OSTN: variants seen among roughly 807,000 people sequenced by gnomAD.
The protein encoded by OSTN is osteocrin.
OSTN carries 9 observed loss-of-function variants against 12.0 expected under a neutral mutation model. The ratio of observed to expected loss-of-function variants is 0.75; its 90% CI spans 0.45 to 1.30. OSTN has a LOEUF of 1.30. Ranked by LOEUF, OSTN falls within the 50% of genes most tolerant of loss-of-function variation. OSTN has a pLI of 0.00. For missense variants in OSTN, 148 were observed against 152.3 expected (o/e 0.97, Z 0.15); for synonymous variants, 59 against 56.9 (o/e 1.04, Z -0.16).
At chr3:191,212,773 A>G (rs1292326758) in intron 2 of OSTN, 139 bp downstream of exon 2, 1 of 174,936 alleles carries the variant, frequency 5.7e-6, no homozygotes, top group East Asian at 1.5e-4. Flanking sequence ...ATCATATCAT[A>G]TATTTTATAT....
At chr3:191,209,883 C>T (rs1714373595) in intron 1 of OSTN, among the ~76,000 whole-genome samples, 1 of 152,172 alleles carries the variant, frequency 6.6e-6, no homozygotes, top group South Asian at 2.1e-4. Flanking sequence ...TTCTTTGCCA[C>T]AGAACTTAAC....
intron 4 of OSTN, 103 bp from the exon 5 acceptor site, chr3:191,262,763 C>G: frequency 3.1e-6 from 2 of 641,220 alleles, no homozygotes; most frequent in South Asian, 3.5e-5. Context: ...AATGAAACAG[C>G]ATGTAATTAA....
chr3:191,228,917 T>C (rs1322033741), intron 3 of OSTN: 1 of 152,184 alleles, frequency 6.6e-6, no homozygotes, highest in East Asian at 1.9e-4. Flanking sequence ...ATCTAGACAA[T>C]TGTCATTAAC....
At chr3:191,235,664 C>A (rs1000161186) in intron 3 of OSTN, among the ~76,000 whole-genome samples, 4 of 152,194 alleles carry the variant, frequency 2.6e-5, no homozygotes, top group African/African-American at 9.6e-5. Flanking sequence ...ACCCTACTCT[C>A]TCATCTTCTG....
At position 191,265,310 on chromosome 3, in the gene OSTN, T is replaced by C. The variant is rs1249829125; in HGVS notation, c.*2457T>C. 2 of 152,190 alleles carry C rather than the reference T, an allele frequency of 1.3e-5. No individual in the cohort carries two copies. The highest frequency in any genetic ancestry group is 1.5e-5 in the Non-Finnish European group (1 of 68,018). 9.4% of individuals were successfully genotyped at this position (152,190 alleles called of 1,614,324 possible). On this transcript the variant is annotated 3_prime_UTR_variant, in exon 5 of 5. Transcript: ENST00000682035. ...TTTATAGAGCAAATGAATATATGTATATGGAGTTCTGGGTTCTAGTGTCAA... is the reference window on the plus strand; with the variant it reads ...TTTATAGAGCAAATGAATATATGTACATGGAGTTCTGGGTTCTAGTGTCAA...
intron 3 of OSTN, among the ~76,000 whole-genome samples, chr3:191,247,408 G>A (rs1016525853): frequency 6.6e-6 from 1 of 152,172 alleles, no homozygotes; most frequent in East Asian, 1.9e-4. Context: ...AGGGAGGCAA[G>A]GGTGTAGCTA....
chr3:191,228,860 G>T (rs1408554431), intron 3 of OSTN: 8 of 152,128 alleles, frequency 5.3e-5, no homozygotes, highest in Non-Finnish European at 1.0e-4. Flanking sequence ...GCTAAAAAAT[G>T]ATAGAATTAG....
At chr3:191,212,770 C>T (rs1160981822) in intron 2 of OSTN, 136 bp downstream of exon 2, 3 of 168,928 alleles carry the variant, frequency 1.8e-5, no homozygotes, top group East Asian at 1.6e-4. Context: ...TATATCATAT[C>T]ATATATTTTA....
chr3:191,249,380 T>C (rs1472197758), intron 3 of OSTN, among the ~76,000 whole-genome samples: 3 of 152,198 alleles, frequency 2.0e-5, no homozygotes, highest in Non-Finnish European at 4.4e-5. Context: ...TGATAGAAAA[T>C]ATAAGCTGGA....
chr3:191,264,975 T>C lies in OSTN; in HGVS notation c.*2122T>C, dbSNP rs1217375760. 2.0e-5 allele frequency: 3 copies of C among 152,034 alleles called. No homozygotes were observed. The highest frequency in any genetic ancestry group is 7.2e-5 in the African/African-American group (3 of 41,436). The allele number at this position is 152,034 out of a possible 1,614,324, so 9.4% of individuals were successfully genotyped here. A position where few individuals can be genotyped will look rare whatever the true frequency, so the allele number is the denominator to read the frequency against. On this transcript the variant is annotated 3_prime_UTR_variant, in exon 5 of 5. Coordinates refer to ENST00000682035, the MANE Select transcript of OSTN (RefSeq NM_198184.2). The stretch of plus-strand genomic sequence containing the variant: ...ATGTGTAATGTATTTTCACCTAATA[T>C]ACACACAATTTCCATGAAGGGAAGA...
intron 4 of OSTN, among the ~76,000 whole-genome samples, chr3:191,252,956 A>AT (rs1297354608): frequency 6.6e-6 from 1 of 152,178 alleles, no homozygotes; most frequent in East Asian, 1.9e-4. Context: ...ATCCAACCCC[A>AT]TTTTTTAAAA....
chr3:191,235,597 C>T (rs941004493), intron 3 of OSTN, among the ~76,000 whole-genome samples: 2 of 152,180 alleles, frequency 1.3e-5, no homozygotes, highest in African/African-American at 2.4e-5. Flanking sequence ...GTAACATAGG[C>T]GTCCTTACCT....
intron 1 of OSTN, among the ~76,000 whole-genome samples, chr3:191,209,213 C>T (rs1018608105): frequency 6.6e-6 from 1 of 152,116 alleles, no homozygotes; most frequent in Non-Finnish European, 1.5e-5. Context: ...TTTAAAAATA[C>T]AGATATGTTC....
chr3:191,228,615 T>C (rs1307658316), intron 3 of OSTN: 3 of 152,218 alleles, frequency 2.0e-5, no homozygotes, highest in Non-Finnish European at 4.4e-5. Context: ...GTAGAATGCA[T>C]TAAATCTGTT....
At chr3:191,222,503 C>G (rs367693598) in intron 3 of OSTN, among the ~76,000 whole-genome samples, 1 of 152,226 alleles carries the variant, frequency 6.6e-6, no homozygotes, top group South Asian at 2.1e-4. Context: ...CCTGTCCCCC[C>G]ACATTGTATC....
chr3:191,251,815 T>TA (rs1715566637), intron 4 of OSTN, among the ~76,000 whole-genome samples: 1 of 152,212 alleles, frequency 6.6e-6, no homozygotes. Flanking sequence ...TCAAGGTTGT[T>TA]AAAAATTGCC....
chr3:191,215,906 C>G (rs1307777851), intron 2 of OSTN, among the ~76,000 whole-genome samples: 1 of 152,114 alleles, frequency 6.6e-6, no homozygotes, highest in African/African-American at 2.4e-5. Flanking sequence ...GTACTGTGGC[C>G]CACTTCTCAC....
chr3:191,207,091 T>A (rs1216130397), intron 1 of OSTN, among the ~76,000 whole-genome samples: 1 of 152,180 alleles, frequency 6.6e-6, no homozygotes, highest in African/African-American at 2.4e-5. Flanking sequence ...CTCTTAAATG[T>A]ATGTGCTCTG....
In OSTN at chr3:191,241,167, C is replaced by CTTTTTTTTTTTTTTTTTTTTT. The variant is rs575332839; in HGVS notation, c.318-8861_318-8841dup. 3.4e-4 allele frequency among the ~76,000 whole-genome samples: 16 copies of CTTTTTTTTTTTTTTTTTTTTT among 46,464 alleles called. 6 individuals are homozygous for CTTTTTTTTTTTTTTTTTTTTT. The highest frequency in any genetic ancestry group is 1.5e-3 in the South Asian group (1 of 672). The allele number at this position is 46,464 out of a possible 152,430, so 30.5% of individuals were successfully genotyped here. ...AAGTTGGTGGAGCTCTGTGCCTTGA[C>CTTTTTTTTTTTTTTTTTTTTT]TTTTTTTTTTTTTTTTTTTTTTTTT... On this transcript the variant is annotated intron_variant, in intron 3 of 4. Transcript: ENST00000682035.
Sources: gnomAD v4.1 joint callset for allele counts (sites outside exome capture counted in the v4.1 genomes callset) on GRCh38, gnomAD v4.1.1 for gene constraint, MANE v1.5 for transcripts, NCBI Gene and HGNC (gene_info 2026-07-23, HGNC 2026-07-21) for gene names.